The following ACOD1 variants were observed in gnomAD, a reference collection of about 807,000 sequenced individuals.
ACOD1 encodes aconitate decarboxylase 1, also known as cis-aconitate decarboxylase.
A neutral mutation model predicts 14.2 loss-of-function variants in ACOD1; 14 were observed. The observed-to-expected ratio is 0.99, with a 90% CI of 0.65 to 1.54. The LOEUF (loss-of-function observed/expected upper bound fraction) is 1.54. Ranked by LOEUF, ACOD1 falls within the 40% of genes most tolerant of loss-of-function variation. The pLI is 0.00. For missense variants in ACOD1, 530 were observed against 586.3 expected, an observed-to-expected ratio of 0.90 and a Z score of 0.99; for synonymous variants, 182 against 221.7, an observed-to-expected ratio of 0.82 and a Z score of 1.59.
Position 76,957,813 on chromosome 13 carries a change from A to G in ACOD1, c.1274A>G (p.Asn425Ser), listed in dbSNP as rs1164278591. Reference sequence around the variant, plus strand: ...GACCTAGAGGAAAAGTTCAGAGCCAATGCCTCCAAGATGCTGTCCTGGGAC... The same window carrying G: ...GACCTAGAGGAAAAGTTCAGAGCCAGTGCCTCCAAGATGCTGTCCTGGGAC... Reference protein sequence around the residue: ...QEDLEEKFRANASKMLSWDTV... With the variant: ...QEDLEEKFRASASKMLSWDTV... Residue 425 changes from asparagine (N) to serine (S), a missense_variant, in exon 5 of 5, where the codon AAT becomes AGT. Physicochemically the swap from Asn to Ser is conservative, Grantham distance 46. Coordinates refer to ENST00000377462, the MANE Select transcript of ACOD1 (RefSeq NM_001258406.2). 2.6e-6 allele frequency: 4 copies of G among 1,550,952 alleles called. No homozygotes were observed. The highest frequency in any genetic ancestry group is 1.7e-4 in the Middle Eastern group (1 of 6,018).
chr13:76,956,994 C>T lies in ACOD1; in HGVS notation c.471-16C>T, dbSNP rs1182215623. The T allele has an allele frequency of 2.6e-6, 4 of 1,536,288 alleles. No individual in the cohort carries two copies. In the Admixed American group the frequency reaches 6.0e-5, roughly 23 times the overall value. ...TACGGTTTGTACATCTCCAACTCTG[C>T]TTCTTTGCTTTTCAGATTCCATCCC... On this transcript the variant is annotated splice_polypyrimidine_tract_variant and intron_variant, in intron 4 of 4. Transcript: ENST00000377462.
At chr13:76,949,913 A>G (rs1316230341) in intron 1 of ACOD1, among the ~76,000 whole-genome samples, 2 of 152,070 alleles carry the variant, frequency 1.3e-5, no homozygotes, top group Admixed American at 1.3e-4. Context: ...CCCTAATCTG[A>G]AACCTTTGTG....
chr13:76,955,477 A>T lies in ACOD1; in HGVS notation c.423A>T (p.Gln141His). 1 of 1,550,686 alleles carries T rather than the reference A, an allele frequency of 6.4e-7. No homozygotes were observed. Among genetic ancestry groups the T allele is most frequent in the East Asian group, 2.4e-5 (1 of 40,926 alleles). ...LLAFNVGIEV[Q>H]GRLLHFAKEA... Reference sequence around the variant, plus strand: ...CTTTCAATGTTGGTATTGAAGTGCAAGGCCGATTACTGCATTTCGCCAAGG... The same window carrying T: ...CTTTCAATGTTGGTATTGAAGTGCATGGCCGATTACTGCATTTCGCCAAGG... Residue 141 changes from glutamine to histidine, a missense_variant, in exon 4 of 5, where the codon CAA (glutamine) becomes CAT (histidine). By Grantham distance (24) the Gln-to-His change is conservative (BLOSUM62 0). Transcript: ENST00000377462.
At chr13:76,952,009 C>T (rs924022757) in intron 1 of ACOD1, among the ~76,000 whole-genome samples, 1 of 152,210 alleles carries the variant, frequency 6.6e-6, no homozygotes, top group Non-Finnish European at 1.5e-5. Context: ...TTCTCTAGGT[C>T]TCAGTCTCCT....
At position 76,955,305 on chromosome 13, in the gene ACOD1, G is replaced by T; in HGVS notation, c.265-14G>T. ...TTTAAGGCTTTTTGTTGCTGTTTGT[G>T]TCTGTTTATACAGATTCACTCCATG... On this transcript the variant is annotated splice_polypyrimidine_tract_variant and intron_variant, in intron 3 of 4. Coordinates refer to ENST00000377462, the MANE Select transcript of ACOD1 (RefSeq NM_001258406.2). The T allele has an allele frequency of 6.5e-7, 1 of 1,547,850 alleles. No homozygotes were observed. The highest frequency in any genetic ancestry group is 8.7e-7 in the Non-Finnish European group (1 of 1,145,566).
At position 76,958,019 on chromosome 13, in the gene ACOD1, G is replaced by T. The variant is rs529771714; in HGVS notation, c.*34G>T. 3 of 1,463,692 alleles carry T rather than the reference G, an allele frequency of 2.0e-6. No individual in the cohort carries two copies. Among genetic ancestry groups the T allele is most frequent in the Non-Finnish European group, 2.7e-6 (3 of 1,111,588 alleles). The allele number at this position is 1,463,692 out of a possible 1,614,324, so 90.7% of individuals were successfully genotyped here. A position where few individuals can be genotyped will look rare whatever the true frequency, so the allele number is the denominator to read the frequency against. On this transcript the variant is annotated 3_prime_UTR_variant, in exon 5 of 5. Coordinates refer to ENST00000377462, the MANE Select transcript of ACOD1 (RefSeq NM_001258406.2). The stretch of plus-strand genomic sequence containing the variant: ...AACATCTAAATGACTTTGCATTTGG[G>T]GAGATTCAATGATTTGGTTTGTAAA...
Position 76,957,952 on chromosome 13 carries a change from A to G in ACOD1, c.1413A>G (p.Pro471=). 1 of 1,540,042 alleles carries G rather than the reference A, an allele frequency of 6.5e-7. No individual in the cohort carries two copies. Among genetic ancestry groups the G allele is most frequent in the East Asian group, 2.4e-5 (1 of 40,890 alleles). ...PSPPEVASNS[P]ACNNSITNLS is the part of the protein sequence containing the mutation. ...CACCAGAGGTAGCTTCAAACTCTCC[A>G]GCATGTAATAATTCTATCACAAATC... Residue 471 remains proline (P), a synonymous_variant, in exon 5 of 5, where the codon CCA becomes CCG. Coordinates refer to ENST00000377462, the MANE Select transcript of ACOD1 (RefSeq NM_001258406.2).
chr13:76,952,378 C>T (rs2137745720), intron 1 of ACOD1, 111 bp from the exon 2 acceptor site: 3 of 853,602 alleles, frequency 3.5e-6, no homozygotes, highest in South Asian at 2.1e-5. Context: ...AACTGGGTTT[C>T]TTGTAGTGGA....
Position 76,957,001 on chromosome 13 carries a change from G to A in ACOD1, c.471-9G>A, listed in dbSNP as rs1014834639. ...TGTACATCTCCAACTCTGCTTCTTT[G>A]CTTTTCAGATTCCATCCCCCTTCCG... is the stretch of plus-strand genomic sequence containing the variant. On this transcript the variant is annotated splice_polypyrimidine_tract_variant and intron_variant, in intron 4 of 4. Transcript: ENST00000377462. 12 of 1,540,368 alleles carry A rather than the reference G, an allele frequency of 7.8e-6. No individual in the cohort carries two copies. Among genetic ancestry groups the A allele is most frequent in the Non-Finnish European group, 1.1e-5 (12 of 1,141,336 alleles).
At chr13:76,949,628 C>A (rs2033804257) in intron 1 of ACOD1, among the ~76,000 whole-genome samples, 1 of 152,102 alleles carries the variant, frequency 6.6e-6, no homozygotes, top group South Asian at 2.1e-4. Flanking sequence ...CCACCTCCCC[C>A]ACTGCTCCCC....
At position 76,953,653 on chromosome 13, in the gene ACOD1, C is replaced by T; in HGVS notation, c.228C>T (p.Leu76=). ...TTTGGGGTCAGCCAGACATCAGGCT[C>T]CCGCCCACATATGCTGCTTTTGTGA... is the stretch of plus-strand genomic sequence containing the variant. ...STVWGQPDIR[L]PPTYAAFVNG... The change falls in exon 3 of 5, where the codon CTC becomes CTT. Residue 76 remains leucine (L), a synonymous_variant. Transcript: ENST00000377462. 1 of 1,549,618 alleles carries T rather than the reference C, an allele frequency of 6.5e-7. No homozygotes were observed. Among genetic ancestry groups the T allele is most frequent in the Non-Finnish European group, 8.7e-7 (1 of 1,145,868 alleles).
chr13:76,951,553 T>A (rs1337282543), intron 1 of ACOD1, among the ~76,000 whole-genome samples: 1 of 152,230 alleles, frequency 6.6e-6, no homozygotes, highest in African/African-American at 2.4e-5. Context: ...AGAACATTGA[T>A]TCAGCATGCA....
At chr13:76,952,698 ATG>A in intron 2 of ACOD1, 48 bp downstream of exon 2, 2 of 1,479,376 alleles carry the variant, frequency 1.4e-6, no homozygotes, top group Non-Finnish European at 1.8e-6. Flanking sequence ...GTGCATACAT[ATG>A]TGTTACATTT....
Position 76,957,803 on chromosome 13 carries a change from T to C in ACOD1, c.1264T>C (p.Phe422Leu), listed in dbSNP as rs1336478781. ...PLSQEDLEEK[F>L]RANASKMLSW... Reference sequence around the variant, plus strand: ...GAGCCAGGAGGACCTAGAGGAAAAGTTCAGAGCCAATGCCTCCAAGATGCT... The same window carrying C: ...GAGCCAGGAGGACCTAGAGGAAAAGCTCAGAGCCAATGCCTCCAAGATGCT... The change falls in exon 5 of 5, where the codon TTC becomes CTC. Residue 422 changes from phenylalanine to leucine, a missense_variant. Phe to Leu is a conservative substitution (Grantham distance 22, BLOSUM62 0). Coordinates refer to ENST00000377462, the MANE Select transcript of ACOD1 (RefSeq NM_001258406.2). The C allele has an allele frequency of 1.3e-6, 2 of 1,550,930 alleles. No homozygotes were observed. Among genetic ancestry groups the C allele is most frequent in the Admixed American group, 2.0e-5 (1 of 51,002 alleles).
intron 1 of ACOD1, among the ~76,000 whole-genome samples, chr13:76,949,824 C>CCT (rs1396776528): frequency 6.6e-6 from 1 of 152,110 alleles, no homozygotes; most frequent in Non-Finnish European, 1.5e-5. Context: ...ACCCTTTCTT[C>CCT]CTCTCTCTTT....
chr13:76,955,190 T>C, intron 3 of ACOD1, 129 bp from the exon 4 acceptor site: 4 of 630,886 alleles, frequency 6.3e-6, no homozygotes, highest in Non-Finnish European at 8.1e-6. Flanking sequence ...TTTTCTTTTC[T>C]GAGAATCAGA....
chr13:76,949,661 C>T (rs543781228), intron 1 of ACOD1, among the ~76,000 whole-genome samples: 1 of 152,238 alleles, frequency 6.6e-6, no homozygotes, highest in Admixed American at 6.5e-5. Context: ...CTCCATAAGA[C>T]ACCCCTGGGT....
At position 76,955,343 on chromosome 13, in the gene ACOD1, A is replaced by G; in HGVS notation, c.289A>G (p.Thr97Ala). The G allele has an allele frequency of 6.4e-7, 1 of 1,550,466 alleles. No individual in the cohort carries two copies. The highest frequency in any genetic ancestry group is 8.7e-7 in the Non-Finnish European group (1 of 1,146,958). Reference protein sequence around the residue: ...VAIHSMDFDDTWHPATHPSGA... With the variant: ...VAIHSMDFDDAWHPATHPSGA... ...GATTCACTCCATGGATTTTGATGAC[A>G]CGTGGCACCCTGCCACCCACCCTTC... The change falls in exon 4 of 5, where the codon ACG becomes GCG. Residue 97 changes from threonine to alanine, a missense_variant. Physicochemically the swap from Thr to Ala is moderately conservative, Grantham distance 58. Transcript: ENST00000377462.
intron 2 of ACOD1, 113 bp downstream of exon 2, chr13:76,952,763 A>G (rs992328832): frequency 1.1e-5 from 9 of 790,022 alleles, no homozygotes; most frequent in South Asian, 6.3e-5. Context: ...ACTGTTCTAT[A>G]TCATTTTTAT....
Sources: gnomAD v4.1 joint callset for allele counts (sites outside exome capture counted in the v4.1 genomes callset) on GRCh38, gnomAD v4.1.1 for gene constraint, MANE v1.5 for transcripts, NCBI Gene and HGNC (gene_info 2026-07-23, HGNC 2026-07-21) for gene names.